Variants in DOT1L observed in about 807,000 individuals in gnomAD.
The protein encoded by DOT1L is DOT1 like histone lysine methyltransferase.
A neutral mutation model predicts 153.3 loss-of-function variants in DOT1L; 33 were observed. That is an observed-to-expected ratio of 0.22 (90% CI 0.16 to 0.29). DOT1L has a LOEUF of 0.29. Among genes scored for constraint, DOT1L ranks in the 10% least tolerant of loss-of-function variants. DOT1L has a pLI of 1.00. For missense variants in DOT1L, 1,847 were observed against 2,119.9 expected (o/e 0.87, Z 2.53); for synonymous variants, 1,135 against 965.1 (o/e 1.18, Z -3.26).
rs2024506855 is a variant in DOT1L at position 2,229,464 on chromosome 19, CTG to C, written c.4607-320_4607-319del. 2.0e-6 allele frequency: 2 copies of C among 985,312 alleles called. 1 individual carries two copies. Among genetic ancestry groups the C allele is most frequent in the Non-Finnish European group, 2.4e-6 (2 of 829,912 alleles). 61.0% of individuals were successfully genotyped at this position (985,312 alleles called of 1,614,324 possible). On this transcript the variant is annotated intron_variant, in intron 27 of 27. Transcript: ENST00000398665. ...CAGCCTGGCGGGTCAATGCGGGCAC[CTG>C]CGGGCTGGACAAGCTATGCTGGGTC...
intron 8 of DOT1L, among the ~76,000 whole-genome samples, chr19:2,200,382 G>T (rs1015429285): frequency 1.2e-4 from 19 of 152,290 alleles, no homozygotes; most frequent in African/African-American, 4.6e-4. Flanking sequence ...TGCACTGCCT[G>T]GGCTTGCCCC....
chr19:2,192,135 G>GT (rs1299622738), intron 5 of DOT1L, among the ~76,000 whole-genome samples: 1 of 152,182 alleles, frequency 6.6e-6, no homozygotes, highest in Non-Finnish European at 1.5e-5. Context: ...CGAGCCCCAC[G>GT]TCTGCCCCCT....
At chr19:2,176,320 G>T (rs1425243222) in intron 1 of DOT1L, among the ~76,000 whole-genome samples, 2 of 152,204 alleles carry the variant, frequency 1.3e-5, no homozygotes, top group African/African-American at 4.8e-5. Context: ...GCACTGCCTG[G>T]TGGGGACACT....
In DOT1L at chr19:2,190,913, C is replaced by T. The variant is rs961170094; in HGVS notation, c.265-99C>T. ...GCAGGGGGACGAGAGGCCATGCAGCCGACTCCCTGCTTCCGCTGGGAAAGG... is the reference window on the plus strand; with the variant it reads ...GCAGGGGGACGAGAGGCCATGCAGCTGACTCCCTGCTTCCGCTGGGAAAGG... On this transcript the variant is annotated intron_variant, in intron 4 of 27. Coordinates refer to ENST00000398665, the MANE Select transcript of DOT1L (RefSeq NM_032482.3). This position sits in a 1 kb window ranked among gnomAD's most constrained non-coding sequence, Gnocchi z 4.8. 3.3e-5 allele frequency: 39 copies of T among 1,188,916 alleles called. No homozygotes were observed. Among genetic ancestry groups the T allele is most frequent in the Admixed American group, 1.3e-4 (6 of 44,948 alleles). 73.6% of individuals were successfully genotyped at this position (1,188,916 alleles called of 1,614,324 possible).
chr19:2,214,643 A>C (rs1599600638), intron 19 of DOT1L, 47 bp downstream of exon 19: 6 of 1,599,990 alleles, frequency 3.8e-6, no homozygotes, highest in Non-Finnish European at 5.1e-6. Context: ...AGCCTCTCCC[A>C]TCAGCCTCCC....
chr19:2,186,621 G>T (rs982178445), intron 3 of DOT1L, among the ~76,000 whole-genome samples: 2 of 152,212 alleles, frequency 1.3e-5, no homozygotes, highest in African/African-American at 4.8e-5. Flanking sequence ...TGGCTCTCCG[G>T]CCTCACTGGC....
chr19:2,176,848 A>G (rs929408202), intron 1 of DOT1L, among the ~76,000 whole-genome samples: 6 of 152,134 alleles, frequency 3.9e-5, no homozygotes, highest in African/African-American at 1.4e-4. Flanking sequence ...ACAGACAGGA[A>G]CTTCTGGGAC....
chr19:2,183,428 C>T (rs1246796368), intron 2 of DOT1L, among the ~76,000 whole-genome samples: 1 of 152,190 alleles, frequency 6.6e-6, no homozygotes, highest in African/African-American at 2.4e-5. Flanking sequence ...GCCTCGGCCT[C>T]CCGAAGTGTG....
chr19:2,209,231 C>A (rs1001416245), intron 12 of DOT1L, among the ~76,000 whole-genome samples: 1 of 151,968 alleles, frequency 6.6e-6, no homozygotes, highest in East Asian at 1.9e-4. Flanking sequence ...ACCATTCAAT[C>A]TCTCTCTCTC....
Position 2,180,646 on chromosome 19 carries a change from G to T in DOT1L, c.82-67G>T, listed in dbSNP as rs2022188318. On this transcript the variant is annotated intron_variant, in intron 1 of 27. Transcript: ENST00000398665. ...GGAAGTTGACGGCATCGCTTGTCCG[G>T]GAAGAGAGCGATGGGCTCACGGGGT... 1.9e-6 allele frequency: 3 copies of T among 1,590,932 alleles called. No individual in the cohort carries two copies. In the African/African-American group the frequency reaches 4.0e-5, roughly 21 times the overall value.
In DOT1L at chr19:2,180,775, G is replaced by T. The variant is rs372812992; in HGVS notation, c.125+19G>T. ...CCATCCGGTGAGTGCACGGCCTGCA[G>T]TGTGTTGTCTTCACAGCCCTGAGCC... On this transcript the variant is annotated intron_variant, in intron 2 of 27. Coordinates refer to ENST00000398665, the MANE Select transcript of DOT1L (RefSeq NM_032482.3). 19 of 1,613,572 alleles carry T rather than the reference G, an allele frequency of 1.2e-5. No individual in the cohort carries two copies. The highest frequency in any genetic ancestry group is 1.4e-5 in the Non-Finnish European group (17 of 1,179,978).
chr19:2,209,029 G>C, intron 12 of DOT1L, 53 bp downstream of exon 12: 1 of 1,590,728 alleles, frequency 6.3e-7, no homozygotes, highest in Non-Finnish European at 8.6e-7. Context: ...CACTGATGTG[G>C]GGAAATGCAA....
At position 2,217,217 on chromosome 19, in the gene DOT1L, A is replaced by C; in HGVS notation, c.2544+127A>C. On this transcript the variant is annotated intron_variant, in intron 21 of 27. Transcript: ENST00000398665. The surrounding 1 kb of genome is among the most constrained non-coding windows in gnomAD (Gnocchi z 7.3). ...CGGTGAGGTACTGGGGCTGACCTGG[A>C]GTAGGATGTTGTGGCAGAGTTGGGG... 1 of 1,325,998 alleles carries C rather than the reference A, an allele frequency of 7.5e-7. No individual in the cohort carries two copies. The highest frequency in any genetic ancestry group is 1.0e-6 in the Non-Finnish European group (1 of 1,004,366). The allele number at this position is 1,325,998 out of a possible 1,614,324, so 82.1% of individuals were successfully genotyped here. A position where few individuals can be genotyped will look rare whatever the true frequency, so the allele number is the denominator to read the frequency against.
At chr19:2,185,197 C>G (rs2022436901) in intron 2 of DOT1L, among the ~76,000 whole-genome samples, 2 of 152,188 alleles carry the variant, frequency 1.3e-5, no homozygotes, top group Non-Finnish European at 2.9e-5. Context: ...AGCCACCGCA[C>G]CCGGCACCAG....
chr19:2,167,569 C>T (rs1398932630), intron 1 of DOT1L, among the ~76,000 whole-genome samples: 10 of 152,212 alleles, frequency 6.6e-5, no homozygotes, highest in African/African-American at 2.4e-4. Flanking sequence ...ACGGCCTCTT[C>T]CTGCTCTGGT....
At chr19:2,177,292 AG>A (rs2021992123) in intron 1 of DOT1L, among the ~76,000 whole-genome samples, 1 of 151,964 alleles carries the variant, frequency 6.6e-6, no homozygotes, top group South Asian at 2.1e-4. Flanking sequence ...CAAATCACGC[AG>A]GAACAATTTT....
Position 2,226,739 on chromosome 19 carries a change from G to A in DOT1L, c.4218G>A (p.Leu1406=). The change falls in exon 27 of 28, where the codon CTG becomes CTA. Residue 1406 remains leucine (L), a synonymous_variant. Coordinates refer to ENST00000398665, the MANE Select transcript of DOT1L (RefSeq NM_032482.3). ...LCGPTDKTPL[L]SGKAAKARDR... Reference sequence around the variant, plus strand: ...GGCCCACGGACAAGACCCCACTGCTGAGCGGCAAGGCCGCCAAGGCCCGGG... The same window carrying A: ...GGCCCACGGACAAGACCCCACTGCTAAGCGGCAAGGCCGCCAAGGCCCGGG... 1 of 1,557,544 alleles carries A rather than the reference G, an allele frequency of 6.4e-7. No individual in the cohort carries two copies. Among genetic ancestry groups the A allele is most frequent in the Non-Finnish European group, 8.6e-7 (1 of 1,158,166 alleles).
intron 27 of DOT1L, chr19:2,227,563 C>A: frequency 1.5e-6 from 1 of 688,116 alleles, no homozygotes; most frequent in Non-Finnish European, 2.0e-6. Flanking sequence ...GGCGGGGGGC[C>A]GGAGGGCGGA....
In DOT1L at chr19:2,181,316, C is replaced by T. The variant is rs541061593; in HGVS notation, c.125+560C>T. Among the ~76,000 whole-genome samples, 99 of 152,338 alleles carry T rather than the reference C, an allele frequency of 6.5e-4. 1 individual carries two copies. Among genetic ancestry groups the T allele is most frequent in the African/African-American group, 2.1e-3 (89 of 41,582 alleles). On this transcript the variant is annotated intron_variant, in intron 2 of 27. Transcript: ENST00000398665. Reference sequence around the variant, plus strand: ...GAACCCTCATTGTGTGGCACCTGCACGGAGGCCACATGTGTCCATGTGGCC... The same window carrying T: ...GAACCCTCATTGTGTGGCACCTGCATGGAGGCCACATGTGTCCATGTGGCC...
Sources: allele counts gnomAD v4.1 joint callset (sites outside exome capture counted in the v4.1 genomes callset), GRCh38; gene constraint gnomAD v4.1.1; non-coding constraint Gnocchi (gnomAD v3.1); transcripts MANE v1.5; gene names NCBI Gene and HGNC (gene_info 2026-07-23, HGNC 2026-07-21).